The following NHSL1 variants were observed in gnomAD, a reference collection of about 807,000 sequenced individuals.
The protein encoded by NHSL1 is NHS-like protein 1.
Under a neutral mutation model 95.0 loss-of-function variants are expected in NHSL1, and 48 were observed. That is an observed-to-expected ratio of 0.51 (90% CI 0.40 to 0.64). The LOEUF (loss-of-function observed/expected upper bound fraction) is 0.64. NHSL1 is among the 30% of genes least tolerant of loss of function. The pLI is 0.00. For synonymous variants in NHSL1, 783 were observed against 833.9 expected, an observed-to-expected ratio of 0.94 and a Z score of 1.05; for missense variants, 1,971 against 2,077.7, an observed-to-expected ratio of 0.95 and a Z score of 1.00.
At chr6:138,584,681 G>T (rs966480601) in intron 1 of NHSL1, among the ~76,000 whole-genome samples, 10 of 152,180 alleles carry the variant, frequency 6.6e-5, no homozygotes, top group Non-Finnish European at 1.3e-4. Flanking sequence ...CCAAAACTGG[G>T]TGTGTTAAAT....
chr6:138,562,345 TAATAA>T (rs1157816037), intron 1 of NHSL1, among the ~76,000 whole-genome samples: 5 of 152,168 alleles, frequency 3.3e-5, no homozygotes, highest in Non-Finnish European at 5.9e-5. Context: ...TGACTTCTCT[TAATAA>T]AGATACCCTA....
chr6:138,576,147 A>T (rs368839001), upstream of NHSL1, among the ~76,000 whole-genome samples: 447 of 152,072 alleles, frequency 2.9e-3, 2 homozygotes, highest in Non-Finnish European at 5.1e-3. Flanking sequence ...GCGCATCTCC[A>T]CGCCTGGCTA....
intron 1 of NHSL1, among the ~76,000 whole-genome samples, chr6:138,589,588 C>T (rs1341327108): frequency 1.3e-5 from 2 of 152,208 alleles, no homozygotes; most frequent in African/African-American, 4.8e-5. Flanking sequence ...CTGTGACAGT[C>T]TCTCTACCTG....
chr6:138,615,166 G>T (rs1426982423), intron 1 of NHSL1, among the ~76,000 whole-genome samples: 1 of 152,196 alleles, frequency 6.6e-6, no homozygotes, highest in Non-Finnish European at 1.5e-5. Flanking sequence ...AGCCAGGTCA[G>T]TGCCATCCAT....
In NHSL1 at chr6:138,538,280, A is replaced by G. The variant is rs1020582689; in HGVS notation, c.16+7343T>C. ...GCTAAGGAAGGAGAGATAGAGTACC[A>G]CCACTGGGGGCTAGGTGTGTTCATA... is the stretch of plus-strand genomic sequence containing the variant. On this transcript the variant is annotated intron_variant, in intron 1 of 4. Transcript: ENST00000342260. Among the ~76,000 whole-genome samples the G allele has an allele frequency of 2.9e-4, 44 of 152,166 alleles. 1 individual carries two copies. Among genetic ancestry groups the G allele is most frequent in the Non-Finnish European group, 2.9e-5 (2 of 68,030 alleles).
At chr6:138,523,257 G>C (rs1179598717) in intron 1 of NHSL1, among the ~76,000 whole-genome samples, 1 of 152,078 alleles carries the variant, frequency 6.6e-6, no homozygotes, top group Non-Finnish European at 1.5e-5. Flanking sequence ...GGGACAGAAG[G>C]GGAGCCAGAG....
intron 2 of NHSL1, among the ~76,000 whole-genome samples, chr6:138,484,017 C>T (rs967279255): frequency 3.3e-5 from 5 of 152,178 alleles, no homozygotes; most frequent in African/African-American, 1.2e-4. Context: ...CTCCCATCCA[C>T]AACTCACATA....
At chr6:138,662,027 T>C (rs986356469) in intron 1 of NHSL1, among the ~76,000 whole-genome samples, 7 of 152,084 alleles carry the variant, frequency 4.6e-5, no homozygotes, top group African/African-American at 1.7e-4. Flanking sequence ...TGAGATATGA[T>C]TGTACCACTG....
chr6:138,456,853 GA>G, intron 3 of NHSL1, among the ~76,000 whole-genome samples: 1 of 151,570 alleles, frequency 6.6e-6, no homozygotes, highest in Non-Finnish European at 1.5e-5. Flanking sequence ...AGAGTTGAAT[GA>G]AAAGGTATTT....
chr6:138,462,825 T>G (rs1030147799), intron 3 of NHSL1, among the ~76,000 whole-genome samples: 1 of 152,160 alleles, frequency 6.6e-6, no homozygotes, highest in Non-Finnish European at 1.5e-5. Flanking sequence ...AAACTGGAGT[T>G]GGGTTCTTTG....
intron 1 of NHSL1, among the ~76,000 whole-genome samples, chr6:138,674,095 T>C (rs967738007): frequency 6.6e-6 from 1 of 152,198 alleles, no homozygotes; most frequent in African/African-American, 2.4e-5. Flanking sequence ...AAACTACATA[T>C]ACATGAAAAT....
At chr6:138,674,003 G>A (rs1785414919) in intron 1 of NHSL1, among the ~76,000 whole-genome samples, 1 of 152,098 alleles carries the variant, frequency 6.6e-6, no homozygotes, top group South Asian at 2.1e-4. Flanking sequence ...AAAATTGAAT[G>A]TTTTCTTGTA....
At chr6:138,516,262 A>T (rs1362561142) in intron 1 of NHSL1, among the ~76,000 whole-genome samples, 2 of 152,086 alleles carry the variant, frequency 1.3e-5, no homozygotes, top group Non-Finnish European at 2.9e-5. Context: ...TGGAGTCAAA[A>T]CCTGGGTGCC....
chr6:138,466,162 C>A (rs1778368279), intron 3 of NHSL1, among the ~76,000 whole-genome samples: 1 of 151,966 alleles, frequency 6.6e-6, no homozygotes, highest in Non-Finnish European at 1.5e-5. Flanking sequence ...GCCTCAGTCT[C>A]CCGAATAGCT....
chr6:138,623,697 C>A (rs1195578897), intron 1 of NHSL1, among the ~76,000 whole-genome samples: 3 of 152,124 alleles, frequency 2.0e-5, no homozygotes. Context: ...AGTTTACAAG[C>A]CAAACTCACA....
At chr6:138,625,735 C>T (rs563320179) in intron 1 of NHSL1, among the ~76,000 whole-genome samples, 2 of 152,018 alleles carry the variant, frequency 1.3e-5, no homozygotes, top group Non-Finnish European at 2.9e-5. Context: ...CCTAAAACTC[C>T]GGGGCTCAAG....
chr6:138,687,996 G>T (rs1251505720), intron 1 of NHSL1, among the ~76,000 whole-genome samples: 2 of 152,122 alleles, frequency 1.3e-5, no homozygotes, highest in African/African-American at 2.4e-5. Flanking sequence ...CTATCTCCCA[G>T]GCTGGGGTGC....
intron 1 of NHSL1, among the ~76,000 whole-genome samples, chr6:138,566,612 T>C (rs1400209080): frequency 6.6e-6 from 1 of 151,508 alleles, no homozygotes; most frequent in African/African-American, 2.4e-5. Context: ...TTTTTCATAA[T>C]TTAAATGCCT....
chr6:138,574,499 C>T (rs1011515604), upstream of NHSL1, among the ~76,000 whole-genome samples: 2 of 151,972 alleles, frequency 1.3e-5, no homozygotes, highest in Non-Finnish European at 2.9e-5. Context: ...TTCTCTTCTC[C>T]CTACTCTCTA....
Sources: gnomAD v4.1 joint callset for allele counts (sites outside exome capture counted in the v4.1 genomes callset) on GRCh38, gnomAD v4.1.1 for gene constraint, MANE v1.5 for transcripts, NCBI Gene and HGNC (gene_info 2026-07-23, HGNC 2026-07-21) for gene names.